SMIM3: variants seen among roughly 807,000 people sequenced by gnomAD.
SMIM3 encodes NGF-induced differentiation clone 67 protein.
Under a neutral mutation model 2.1 loss-of-function variants are expected in SMIM3, and 4 were observed. That is an observed-to-expected ratio of 1.89 (90% CI 0.93 to 4.31). The LOEUF is 4.31. Among genes scored for constraint, SMIM3 ranks in the 30% most tolerant of loss-of-function variants. The probability of loss-of-function intolerance (pLI) is 0.01; values close to 1 mark genes in which losing one functional copy is unlikely to be tolerated. For synonymous variants in SMIM3, 29 were observed against 30.8 expected (o/e 0.94, Z 0.19); for missense variants, 79 against 77.7 (o/e 1.02, Z -0.06).
chr5:150,791,047 C>T (rs9324656), intron 1 of SMIM3, among the ~76,000 whole-genome samples: 24,477 of 152,006 alleles, frequency 0.16, 2,718 homozygotes, highest in East Asian at 0.63. Flanking sequence ...AAAATTCAAA[C>T]GGCATAAAAT....
At chr5:150,787,639 A>T (rs1173877343) in intron 1 of SMIM3, among the ~76,000 whole-genome samples, 1 of 152,126 alleles carries the variant, frequency 6.6e-6, no homozygotes, top group Non-Finnish European at 1.5e-5. Context: ...AACCTCTCTC[A>T]GTTTTAGTTT....
At chr5:150,782,090 CAG>C (rs1753241693) in intron 1 of SMIM3, among the ~76,000 whole-genome samples, 1 of 152,194 alleles carries the variant, frequency 6.6e-6, no homozygotes, top group Non-Finnish European at 1.5e-5. Context: ...TTTGGAGAGA[CAG>C]GGGCCAGTTG....
intron 1 of SMIM3, among the ~76,000 whole-genome samples, chr5:150,779,482 C>T (rs1371781135): frequency 6.6e-6 from 1 of 152,184 alleles, no homozygotes; most frequent in African/African-American, 2.4e-5. Context: ...TGGCGGGTTC[C>T]AGCCCTGGTT....
intron 1 of SMIM3, among the ~76,000 whole-genome samples, chr5:150,782,466 C>T (rs1033600883): frequency 1.3e-5 from 2 of 152,174 alleles, no homozygotes; most frequent in African/African-American, 4.8e-5. Flanking sequence ...CCCTCCTCCC[C>T]ACCTCAGTCC....
intron 1 of SMIM3, among the ~76,000 whole-genome samples, chr5:150,793,824 A>C (rs6893377): frequency 0.059 from 8,972 of 152,260 alleles, 877 homozygotes; most frequent in African/African-American, 0.2. Flanking sequence ...AATAGCTGGA[A>C]CCTAATTAAA....
intron 1 of SMIM3, among the ~76,000 whole-genome samples, chr5:150,781,275 T>C (rs895514257): frequency 6.6e-6 from 1 of 152,198 alleles, no homozygotes; most frequent in Non-Finnish European, 1.5e-5. Flanking sequence ...TGAGAGAAGT[T>C]AAGTGAGAAT....
intron 1 of SMIM3, 130 bp from the exon 2 acceptor site, chr5:150,795,300 C>A: frequency 1.1e-6 from 1 of 922,742 alleles, no homozygotes; most frequent in Non-Finnish European, 1.8e-6. Context: ...ATTGTAATTA[C>A]TAATCAGGGA....
chr5:150,793,045 T>C (rs1418980499), intron 1 of SMIM3, among the ~76,000 whole-genome samples: 1 of 152,100 alleles, frequency 6.6e-6, no homozygotes, highest in Non-Finnish European at 1.5e-5. Flanking sequence ...TTTTTTTTTT[T>C]CAAACAGCTA....
chr5:150,780,728 G>A (rs970154059), intron 1 of SMIM3, among the ~76,000 whole-genome samples: 1 of 152,132 alleles, frequency 6.6e-6, no homozygotes, highest in Non-Finnish European at 1.5e-5. Flanking sequence ...TCAGCCATAC[G>A]CCAATCCTTT....
At chr5:150,779,829 A>ACCCCCC (rs5872180) in intron 1 of SMIM3, among the ~76,000 whole-genome samples, 89 of 111,086 alleles carry the variant, frequency 8.0e-4, no homozygotes, top group Non-Finnish European at 9.8e-4. Flanking sequence ...GAAAGGTGTA[A>ACCCCCC]CCCCCCCCGC....
chr5:150,795,660 G>A lies in SMIM3; in HGVS notation c.*37G>A. On this transcript the variant is annotated 3_prime_UTR_variant, in exon 2 of 2. Transcript: ENST00000526627. ...GAGGGCCGGGTGAGGGATGAGGACAGGCATCCTATCCCCAGCCTCTTCCTG... is the reference window on the plus strand; with the variant it reads ...GAGGGCCGGGTGAGGGATGAGGACAAGCATCCTATCCCCAGCCTCTTCCTG... 3 of 1,529,816 alleles carry A rather than the reference G, an allele frequency of 2.0e-6. No homozygotes were observed. The highest frequency in any genetic ancestry group is 1.8e-6 in the Non-Finnish European group (2 of 1,140,892). The allele number at this position is 1,529,816 out of a possible 1,614,324, so 94.8% of individuals were successfully genotyped here. A position where few individuals can be genotyped will look rare whatever the true frequency, so the allele number is the denominator to read the frequency against.
At chr5:150,787,892 T>A (rs926408830) in intron 1 of SMIM3, among the ~76,000 whole-genome samples, 2 of 152,076 alleles carry the variant, frequency 1.3e-5, no homozygotes, top group African/African-American at 4.8e-5. Context: ...TCATAAGGAG[T>A]AAGTAATAGT....
At position 150,778,777 on chromosome 5, in the gene SMIM3, C is replaced by T. The variant is rs544715260; in HGVS notation, c.-207C>T. The T allele has an allele frequency of 3.9e-5, 18 of 458,406 alleles. No homozygotes were observed. Among genetic ancestry groups the T allele is most frequent in the South Asian group, 2.9e-4 (18 of 62,990 alleles). 28.4% of individuals were successfully genotyped at this position (458,406 alleles called of 1,614,324 possible). A position where few individuals can be genotyped will look rare whatever the true frequency, so the allele number is the denominator to read the frequency against. ...GCCGCGCATTCCAGAGCCAGCAGCGCGTCCTGGCCGCTCCTGCGCTCTCCC... is the reference window on the plus strand; with the variant it reads ...GCCGCGCATTCCAGAGCCAGCAGCGTGTCCTGGCCGCTCCTGCGCTCTCCC... On this transcript the variant is annotated 5_prime_UTR_variant, in exon 1 of 2. Coordinates refer to ENST00000526627, the MANE Select transcript of SMIM3 (RefSeq NM_032947.5).
At position 150,796,548 on chromosome 5, in the gene SMIM3, T is replaced by C. The variant is rs757040606; in HGVS notation, c.*925T>C. The C allele has an allele frequency of 8.5e-5, 13 of 152,482 alleles. No individual in the cohort carries two copies. The highest frequency in any genetic ancestry group is 1.9e-4 in the East Asian group (1 of 5,330). The allele number at this position is 152,482 out of a possible 1,614,324, so 9.4% of individuals were successfully genotyped here. On this transcript the variant is annotated 3_prime_UTR_variant, in exon 2 of 2. Coordinates refer to ENST00000526627, the MANE Select transcript of SMIM3 (RefSeq NM_032947.5). ...GTTATTTTAGATGTGATGATTTATATTTATGTAGAGATATTTCTGGACCAC... is the reference window on the plus strand; with the variant it reads ...GTTATTTTAGATGTGATGATTTATACTTATGTAGAGATATTTCTGGACCAC...
At chr5:150,785,925 C>T (rs1220140447) in intron 1 of SMIM3, among the ~76,000 whole-genome samples, 1 of 152,110 alleles carries the variant, frequency 6.6e-6, no homozygotes, top group African/African-American at 2.4e-5. Flanking sequence ...TTTATGTATT[C>T]TGCTAGGAGT....
intron 1 of SMIM3, among the ~76,000 whole-genome samples, chr5:150,783,095 C>T (rs1451204241): frequency 1.3e-5 from 2 of 152,110 alleles, no homozygotes; most frequent in East Asian, 1.9e-4. Context: ...TTTACTAAAA[C>T]GTAACATTTA....
chr5:150,779,657 AGTT>A (rs1195551074), intron 1 of SMIM3, among the ~76,000 whole-genome samples: 1 of 152,072 alleles, frequency 6.6e-6, no homozygotes, highest in East Asian at 1.9e-4. Context: ...CTGAGGACGT[AGTT>A]GTTCCAGTTG....
At chr5:150,790,588 T>G (rs531197887) in intron 1 of SMIM3, among the ~76,000 whole-genome samples, 45 of 152,150 alleles carry the variant, frequency 3.0e-4, no homozygotes, top group Non-Finnish European at 5.7e-4. Context: ...AGGCTTCTCC[T>G]TCATCTGGGA....
chr5:150,782,805 T>G (rs952092668), intron 1 of SMIM3, among the ~76,000 whole-genome samples: 1 of 152,224 alleles, frequency 6.6e-6, no homozygotes, highest in African/African-American at 2.4e-5. Flanking sequence ...TGAAATAATC[T>G]TCCCATATTC....
Sources: allele counts gnomAD v4.1 joint callset (sites outside exome capture counted in the v4.1 genomes callset), GRCh38; gene constraint gnomAD v4.1.1; transcripts MANE v1.5; gene names NCBI Gene and HGNC (gene_info 2026-07-23, HGNC 2026-07-21).